ME1: variants seen among roughly 807,000 people sequenced by gnomAD.
ME1 encodes NADP-dependent malic enzyme.
In ME1, 74 loss-of-function variants were observed where a neutral mutation model predicts 66.4. The observed-to-expected ratio is 1.11, with a 90% CI of 0.92 to 1.35. The LOEUF (loss-of-function observed/expected upper bound fraction) is 1.35. Ranked by LOEUF, ME1 falls within the 40% of genes most tolerant of loss-of-function variation. ME1 has a pLI of 0.00. For synonymous variants in ME1, 251 were observed against 235.6 expected (o/e 1.07, Z -0.60); for missense variants, 750 against 694.1 (o/e 1.08, Z -0.90).
At chr6:83,291,853 C>T (rs866337041) in intron 6 of ME1, among the ~76,000 whole-genome samples, 5 of 152,100 alleles carry the variant, frequency 3.3e-5, no homozygotes, top group African/African-American at 1.2e-4. Flanking sequence ...TGTCTTCTCG[C>T]TTTATTTCAT....
chr6:83,308,242 A>T (rs933055064), intron 6 of ME1, among the ~76,000 whole-genome samples: 1 of 152,034 alleles, frequency 6.6e-6, no homozygotes, highest in Non-Finnish European at 1.5e-5. Context: ...ATAACTTTTA[A>T]TTTTTGTCAT....
At chr6:83,367,838 G>C (rs1293743555) in intron 3 of ME1, among the ~76,000 whole-genome samples, 1 of 152,146 alleles carries the variant, frequency 6.6e-6, no homozygotes, top group East Asian at 1.9e-4. Flanking sequence ...CATTGGAATA[G>C]CACTTTTAAT....
chr6:83,416,327 G>A (rs1770158665), intron 1 of ME1, among the ~76,000 whole-genome samples: 2 of 152,186 alleles, frequency 1.3e-5, no homozygotes, highest in South Asian at 4.1e-4. Context: ...CATGCTACAT[G>A]AATATTGACT....
At chr6:83,381,152 G>A (rs1769386939) in intron 3 of ME1, among the ~76,000 whole-genome samples, 1 of 152,006 alleles carries the variant, frequency 6.6e-6, no homozygotes, top group Non-Finnish European at 1.5e-5. Flanking sequence ...AAATTGAACT[G>A]TGCAGGCAGA....
intron 6 of ME1, among the ~76,000 whole-genome samples, chr6:83,308,315 A>C (rs1343042600): frequency 6.6e-6 from 1 of 152,124 alleles, no homozygotes; most frequent in African/African-American, 2.4e-5. Context: ...TATTTATTCC[A>C]TTTAAAAAAT....
Position 83,228,940 on chromosome 6 carries a change from A to C in ME1, c.1027-9T>G. On this transcript the variant is annotated splice_polypyrimidine_tract_variant and intron_variant, in intron 9 of 13. Coordinates refer to ENST00000369705, the MANE Select transcript of ME1 (RefSeq NM_002395.6). The stretch of plus-strand genomic sequence containing the variant: ...GTTAAGGAAGCACGTCCCTAAGTAA[A>C]GCCAGTAAGAAAAAATTAAGAATCT... 6.3e-7 allele frequency: 1 copy of C among 1,576,830 alleles called. No individual in the cohort carries two copies. Among genetic ancestry groups the C allele is most frequent in the East Asian group, 2.2e-5 (1 of 44,734 alleles).
In ME1 at chr6:83,321,106, G is replaced by A. The variant is rs116736584; in HGVS notation, c.601-5693C>T. ...AGCTGTGAGGGACCCTGCCCTGAGC[G>A]ACTATGCACTCTGGCTCAGATACAA... On this transcript the variant is annotated intron_variant, in intron 5 of 13. Transcript: ENST00000369705. Among the ~76,000 whole-genome samples, 31 of 152,250 alleles carry A rather than the reference G, an allele frequency of 2.0e-4. No individual in the cohort carries two copies. The South Asian group carries it at 5.4e-3, about 26-fold the overall frequency.
chr6:83,376,190 A>G (rs976985235), intron 3 of ME1, among the ~76,000 whole-genome samples: 6 of 152,104 alleles, frequency 3.9e-5, no homozygotes, highest in Non-Finnish European at 8.8e-5. Context: ...ATTATTTCTC[A>G]GTGGTGTTTA....
Position 83,364,632 on chromosome 6 carries a change from C to T in ME1, c.363-12493G>A, listed in dbSNP as rs560984882. On this transcript the variant is annotated intron_variant, in intron 3 of 13. Coordinates refer to ENST00000369705, the MANE Select transcript of ME1 (RefSeq NM_002395.6). ...TCCAGGTGTGTTGCTGCTTCCAGGC[C>T]AACCCAATGGACAGAGCTAGAGACT... is the stretch of plus-strand genomic sequence containing the variant. Among the ~76,000 whole-genome samples the T allele has an allele frequency of 1.2e-4, 18 of 152,138 alleles. No individual in the cohort carries two copies. In the South Asian group the frequency reaches 3.3e-3, roughly 28 times the overall value.
chr6:83,388,767 C>A (rs1343239553), intron 3 of ME1, among the ~76,000 whole-genome samples: 1 of 152,120 alleles, frequency 6.6e-6, no homozygotes, highest in Non-Finnish European at 1.5e-5. Flanking sequence ...AAGACTATCA[C>A]CAGCAAACTG....
At position 83,228,825 on chromosome 6, in the gene ME1, C is replaced by T; in HGVS notation, c.1132+1G>A. On this transcript the variant is annotated splice_donor_variant, in intron 10 of 13. Transcript: ENST00000369705. LOFTEE classifies it high-confidence loss of function. ...GAGAAGGGAGAGGAGAAAATGCTTA[C>T]CTATGAGGGCAGTTGGTTTTATTTC... 1.3e-6 allele frequency: 2 copies of T among 1,596,338 alleles called. No homozygotes were observed. The highest frequency in any genetic ancestry group is 8.6e-7 in the Non-Finnish European group (1 of 1,168,322).
At chr6:83,413,677 T>C (rs1438442567) in intron 1 of ME1, among the ~76,000 whole-genome samples, 1 of 152,174 alleles carries the variant, frequency 6.6e-6, no homozygotes, top group African/African-American at 2.4e-5. Context: ...ATATTTTACA[T>C]CTACATTAAG....
intron 5 of ME1, among the ~76,000 whole-genome samples, chr6:83,326,334 A>G: frequency 6.6e-6 from 1 of 152,242 alleles, no homozygotes; most frequent in East Asian, 1.9e-4. Flanking sequence ...GGCATGGGCA[A>G]ATATTTCATG....
chr6:83,386,669 AT>A (rs1769508707), intron 3 of ME1, among the ~76,000 whole-genome samples: 1 of 151,988 alleles, frequency 6.6e-6, no homozygotes, highest in Non-Finnish European at 1.5e-5. Flanking sequence ...GCATTAAACT[AT>A]TGAAAGTTCC....
chr6:83,331,863 T>A (rs915662051), intron 5 of ME1, among the ~76,000 whole-genome samples: 1 of 152,034 alleles, frequency 6.6e-6, no homozygotes, highest in Non-Finnish European at 1.5e-5. Flanking sequence ...TAAGACATAA[T>A]AATGTCCAAA....
chr6:83,430,792 G>A (rs941974858), intron 1 of ME1, 85 bp downstream of exon 1: 19 of 1,219,548 alleles, frequency 1.6e-5, no homozygotes, highest in Middle Eastern at 2.0e-4. Context: ...GCGGAGGGGC[G>A]AGGCCATGGT....
At chr6:83,339,977 A>G (rs530555586) in intron 5 of ME1, among the ~76,000 whole-genome samples, 16 of 141,436 alleles carry the variant, frequency 1.1e-4, no homozygotes, top group South Asian at 8.7e-4. Context: ...TAATAAAAAA[A>G]AAAAGAAAAG....
At chr6:83,233,947 G>A (rs1180238) in intron 9 of ME1, among the ~76,000 whole-genome samples, 67,717 of 151,634 alleles carry the variant, frequency 0.45, 15,684 homozygotes, top group African/African-American at 0.56. Flanking sequence ...ATTAAATAGT[G>A]TACAAGCTAT....
chr6:83,361,510 G>A (rs1769006191), intron 3 of ME1, among the ~76,000 whole-genome samples: 1 of 152,182 alleles, frequency 6.6e-6, no homozygotes. Context: ...CTGCCACTTG[G>A]GCCATATGAC....
Sources: gnomAD v4.1 joint callset for allele counts (sites outside exome capture counted in the v4.1 genomes callset) on GRCh38, gnomAD v4.1.1 for gene constraint, MANE v1.5 for transcripts, NCBI Gene and HGNC (gene_info 2026-07-23, HGNC 2026-07-21) for gene names.